The following KCTD1 variants were observed in gnomAD, a reference collection of about 807,000 sequenced individuals.
The protein encoded by KCTD1 is BTB/POZ domain-containing protein KCTD1.
Under a neutral mutation model 66.0 loss-of-function variants are expected in KCTD1, and 24 were observed. The ratio of observed to expected loss-of-function variants is 0.36; its 90% CI spans 0.26 to 0.51. The LOEUF is 0.51. Among genes scored for constraint, KCTD1 ranks in the 20% least tolerant of loss-of-function variants. KCTD1 has a pLI of 0.95. For synonymous variants in KCTD1, 511 were observed against 517.2 expected (o/e 0.99, Z 0.16); for missense variants, 943 against 1,205.2 (o/e 0.78, Z 3.22).
Position 26,455,816 on chromosome 18 carries a change from A to T in KCTD1, c.2525T>A (p.Val842Asp). The change falls in exon 5 of 5, where the codon GTC (valine) becomes GAC (aspartate). Residue 842 changes from valine to aspartate, a missense_variant. Physicochemically the swap from Val to Asp is radical, Grantham distance 152. Transcript: ENST00000580059. ...CGTCCGCCTCAGTTCCCGCCGAAGG[A>T]CGTATTCGCTGAACTGGGACGAGTC... Reference protein sequence around the residue: ...GVDSSQFSEYVLRRELRRTPR... With the variant: ...GVDSSQFSEYDLRRELRRTPR... 6.2e-7 allele frequency: 1 copy of T among 1,614,122 alleles called. No homozygotes were observed. The highest frequency in any genetic ancestry group is 8.5e-7 in the Non-Finnish European group (1 of 1,180,020).
At chr18:26,608,986 G>T (rs975727754) in intron 1 of KCTD1, among the ~76,000 whole-genome samples, 1 of 152,172 alleles carries the variant, frequency 6.6e-6, no homozygotes, top group Non-Finnish European at 1.5e-5. Context: ...AAATTATGAT[G>T]CTTGTTTTAT....
intron 1 of KCTD1, among the ~76,000 whole-genome samples, chr18:26,656,659 G>A (rs1177909864): frequency 6.6e-6 from 1 of 151,440 alleles, no homozygotes; most frequent in Non-Finnish European, 1.5e-5. Context: ...CCGCCACAAT[G>A]GCGTCTTTCA....
intron 1 of KCTD1, among the ~76,000 whole-genome samples, chr18:26,532,613 C>T (rs1417177215): frequency 1.3e-5 from 2 of 152,136 alleles, no homozygotes; most frequent in African/African-American, 2.4e-5. Flanking sequence ...TTCTCTGGGC[C>T]GCCATCTCCT....
At chr18:26,634,263 G>A (rs2145051042) in intron 1 of KCTD1, among the ~76,000 whole-genome samples, 1 of 152,258 alleles carries the variant, frequency 6.6e-6, no homozygotes, top group South Asian at 2.1e-4. Context: ...ACACTGCCAA[G>A]GAAAAAGGAA....
chr18:26,550,183 G>C (rs1433173768), upstream of KCTD1, among the ~76,000 whole-genome samples: 1 of 152,168 alleles, frequency 6.6e-6, no homozygotes, highest in African/African-American at 2.4e-5. This position sits in a 1 kb window ranked among gnomAD's most constrained non-coding sequence, Gnocchi z 5.4. Context: ...TGCTCCTCGG[G>C]TGCGTCCTCG....
At chr18:26,528,697 T>C (rs1490472254) in intron 1 of KCTD1, among the ~76,000 whole-genome samples, 1 of 152,164 alleles carries the variant, frequency 6.6e-6, no homozygotes, top group Non-Finnish European at 1.5e-5. Flanking sequence ...CTTGCAGAGA[T>C]GACTAATGGC....
At chr18:26,649,792 T>G (rs1987995910) in intron 1 of KCTD1, among the ~76,000 whole-genome samples, 1 of 152,152 alleles carries the variant, frequency 6.6e-6, no homozygotes, top group Non-Finnish European at 1.5e-5. Context: ...AGGCAGCTTT[T>G]TAAAGCTGGC....
In KCTD1 at chr18:26,636,012, G is replaced by C. The variant is rs188642686; in HGVS notation, c.-107+4299C>G. Among the ~76,000 whole-genome samples the C allele has an allele frequency of 2.4e-3, 366 of 152,270 alleles. 2 individuals carry two copies. The highest frequency in any genetic ancestry group is 0.014 in the Middle Eastern group (4 of 294). On this transcript the variant is annotated intron_variant, in intron 1 of 5. Transcript: ENST00000579973. ...AGGAGGGTGTGGGAGGGGTTGTTAT[G>C]GGGTTGGGGCTTGTGCTGGGAGAGT...
chr18:26,461,657 C>T (rs556609196), intron 3 of KCTD1, among the ~76,000 whole-genome samples: 8 of 152,174 alleles, frequency 5.3e-5, no homozygotes, highest in South Asian at 2.1e-4. Context: ...CTTGGCATCA[C>T]GCCAACTGTA....
chr18:26,489,720 T>A (rs1270444931), intron 2 of KCTD1, among the ~76,000 whole-genome samples: 3 of 152,218 alleles, frequency 2.0e-5, no homozygotes, highest in Non-Finnish European at 4.4e-5. Context: ...CAGCCTAGCA[T>A]ACGCATAGCA....
intron 3 of KCTD1, among the ~76,000 whole-genome samples, chr18:26,465,951 C>T (rs1279047377): frequency 1.3e-5 from 2 of 152,234 alleles, no homozygotes; most frequent in East Asian, 3.9e-4. Context: ...GTGGCGGCAG[C>T]TGAGGCCGTG....
At chr18:26,499,765 G>A (rs1982659545) in intron 2 of KCTD1, among the ~76,000 whole-genome samples, 1 of 152,148 alleles carries the variant, frequency 6.6e-6, no homozygotes, top group African/African-American at 2.4e-5. Flanking sequence ...TGTGGCCGGT[G>A]CCCTTCTGAA....
intron 1 of KCTD1, chr18:26,599,826 G>A: frequency 6.4e-7 from 1 of 1,559,086 alleles, no homozygotes; most frequent in South Asian, 1.1e-5. Context: ...AGGAAATACA[G>A]TCTGTTCGAG....
At chr18:26,563,642 T>C (rs1027119224) in intron 1 of KCTD1, among the ~76,000 whole-genome samples, 2 of 152,232 alleles carry the variant, frequency 1.3e-5, no homozygotes, top group African/African-American at 4.8e-5. Context: ...GTATGGGCTC[T>C]GGCACCAAAC....
At chr18:26,485,059 T>TC (rs572437668) in intron 2 of KCTD1, among the ~76,000 whole-genome samples, 95 of 152,316 alleles carry the variant, frequency 6.2e-4, no homozygotes, top group African/African-American at 2.2e-3. Flanking sequence ...CATGTTCAGC[T>TC]CCAAGACCCA....
intron 1 of KCTD1, among the ~76,000 whole-genome samples, chr18:26,635,809 G>C (rs1178457511): frequency 6.6e-6 from 1 of 152,146 alleles, no homozygotes; most frequent in Non-Finnish European, 1.5e-5. Context: ...CCCCCAAATA[G>C]TGACAGCCCT....
At chr18:26,641,946 AT>A (rs1381095928), upstream of KCTD1, among the ~76,000 whole-genome samples, 2 of 152,190 alleles carry the variant, frequency 1.3e-5, no homozygotes, top group Non-Finnish European at 2.9e-5. Flanking sequence ...AGGACCAGTA[AT>A]AATTATACTG....
At chr18:26,514,131 C>G (rs1260891582) in intron 1 of KCTD1, among the ~76,000 whole-genome samples, 3 of 152,080 alleles carry the variant, frequency 2.0e-5, no homozygotes, top group African/African-American at 7.2e-5. Context: ...CCCTGTAGAA[C>G]AGAGAAAAAA....
chr18:26,475,223 C>CT (rs1191945049), intron 3 of KCTD1, among the ~76,000 whole-genome samples: 2 of 151,990 alleles, frequency 1.3e-5, no homozygotes, highest in African/African-American at 2.4e-5. Context: ...ACCAGAAATA[C>CT]TTTTTTTTAG....
Sources: gnomAD v4.1 joint callset for allele counts (sites outside exome capture counted in the v4.1 genomes callset) on GRCh38, gnomAD v4.1.1 for gene constraint, Gnocchi (gnomAD v3.1) non-coding constraint, MANE v1.5 for transcripts, NCBI Gene and HGNC (gene_info 2026-07-23, HGNC 2026-07-21) for gene names.